Variants in EEFSEC observed in about 807,000 individuals in gnomAD.
EEFSEC encodes eukaryotic elongation factor, selenocysteine-tRNA specific.
Under a neutral mutation model 42.1 loss-of-function variants are expected in EEFSEC, and 43 were observed. The ratio of observed to expected loss-of-function variants is 1.02; its 90% CI spans 0.80 to 1.32. The LOEUF (loss-of-function observed/expected upper bound fraction) is 1.32, where lower values mean the gene tolerates loss of function less well. Among genes scored for constraint, EEFSEC ranks in the 40% most tolerant of loss-of-function variants. The pLI, the probability that EEFSEC is intolerant of heterozygous loss-of-function variation, is 0.00. For missense variants in EEFSEC, 745 were observed against 803.6 expected (o/e 0.93, Z 0.88); for synonymous variants, 354 against 339.1 (o/e 1.04, Z -0.48).
intron 1 of EEFSEC, among the ~76,000 whole-genome samples, chr3:128,230,021 TTTTTCTTTTC>T (rs549163254): frequency 6.6e-6 from 1 of 152,006 alleles, no homozygotes; most frequent in African/African-American, 2.4e-5. Flanking sequence ...TTTATCTCTC[TTTTTCTTTTC>T]TTTTCTTTTT....
At chr3:128,371,692 T>G (rs1347679120) in intron 6 of EEFSEC, among the ~76,000 whole-genome samples, 1 of 152,116 alleles carries the variant, frequency 6.6e-6, no homozygotes, top group Non-Finnish European at 1.5e-5. Flanking sequence ...GGGTGCAGAA[T>G]GAGGAGGGTG....
chr3:128,407,467 C>T (rs867872915), intron 6 of EEFSEC, among the ~76,000 whole-genome samples: 4 of 151,920 alleles, frequency 2.6e-5, no homozygotes, highest in South Asian at 4.2e-4. Flanking sequence ...GGAGCCCCAG[C>T]GGGTGGTGGT....
chr3:128,324,804 C>T (rs2067046455), intron 4 of EEFSEC, among the ~76,000 whole-genome samples: 1 of 152,028 alleles, frequency 6.6e-6, no homozygotes, highest in Admixed American at 6.5e-5. Flanking sequence ...CTGAATGTTT[C>T]CTTAAAGTTT....
intron 5 of EEFSEC, among the ~76,000 whole-genome samples, chr3:128,343,640 G>A (rs999730510): frequency 2.6e-5 from 4 of 152,202 alleles, no homozygotes; most frequent in Non-Finnish European, 5.9e-5. Flanking sequence ...AATTGGTGTG[G>A]CTCCTGGGTC....
chr3:128,208,933 A>G (rs545616347), intron 1 of EEFSEC, among the ~76,000 whole-genome samples: 6 of 152,242 alleles, frequency 3.9e-5, no homozygotes, highest in Non-Finnish European at 8.8e-5. Flanking sequence ...TTATAGGAGC[A>G]TAGATGAGAG....
At chr3:128,275,998 G>A (rs1301897034) in intron 4 of EEFSEC, among the ~76,000 whole-genome samples, 2 of 152,176 alleles carry the variant, frequency 1.3e-5, no homozygotes, top group Non-Finnish European at 2.9e-5. Flanking sequence ...AGGCTCCTGG[G>A]TGCCGCTGCT....
At chr3:128,172,625 C>T (rs181092630) in intron 1 of EEFSEC, among the ~76,000 whole-genome samples, 2 of 152,220 alleles carry the variant, frequency 1.3e-5, no homozygotes, top group African/African-American at 4.8e-5. Flanking sequence ...CCAATGATCT[C>T]TCTGACCCCT....
intron 2 of EEFSEC, among the ~76,000 whole-genome samples, chr3:128,250,911 G>GA (rs1553747268): frequency 9.2e-6 from 1 of 108,596 alleles, no homozygotes; most frequent in Non-Finnish European, 1.8e-5. Context: ...GTTTTTTTTG[G>GA]TTTTTTTTTT....
intron 1 of EEFSEC, among the ~76,000 whole-genome samples, chr3:128,215,340 T>C (rs886909969): frequency 6.6e-6 from 1 of 152,142 alleles, no homozygotes; most frequent in African/African-American, 2.4e-5. Context: ...TTCAGAGGAC[T>C]TGGGTTAGGA....
intron 1 of EEFSEC, among the ~76,000 whole-genome samples, chr3:128,158,947 T>C (rs925069295): frequency 1.3e-5 from 2 of 152,250 alleles, no homozygotes; most frequent in African/African-American, 2.4e-5. Flanking sequence ...TTTTTGTATG[T>C]ACATTGTTGC....
intron 4 of EEFSEC, 75 bp downstream of exon 4, chr3:128,264,856 A>C: frequency 6.7e-7 from 1 of 1,503,348 alleles, no homozygotes; most frequent in Non-Finnish European, 8.9e-7. Context: ...TTGTCTGTTC[A>C]GCTGCTGAGC....
chr3:128,153,789 C>T lies in EEFSEC; in HGVS notation c.282C>T (p.Pro94=). 1.3e-6 allele frequency: 2 copies of T among 1,527,184 alleles called. No individual in the cohort carries two copies. Among genetic ancestry groups the T allele is most frequent in the Non-Finnish European group, 1.7e-6 (2 of 1,143,436 alleles). The allele number at this position is 1,527,184 out of a possible 1,614,324, so 94.6% of individuals were successfully genotyped here. The part of the protein sequence containing the change: ...PLLQVTLVDC[P]GHASLIRTII... ...TTCAGGTCACGCTGGTCGACTGCCC[C>T]GGGCACGCCTCCCTCATCCGGACCA... Residue 94 remains proline, a synonymous_variant, in exon 1 of 7, where the codon CCC becomes CCT. Transcript: ENST00000254730.
At chr3:128,168,157 A>G (rs1353903538) in intron 1 of EEFSEC, among the ~76,000 whole-genome samples, 1 of 152,172 alleles carries the variant, frequency 6.6e-6, no homozygotes, top group East Asian at 1.9e-4. Context: ...GGATGGGGAA[A>G]TGAGCGTAAT....
chr3:128,385,295 C>T (rs902944894), intron 6 of EEFSEC, among the ~76,000 whole-genome samples: 2 of 152,154 alleles, frequency 1.3e-5, no homozygotes, highest in Non-Finnish European at 2.9e-5. Context: ...GAGAGTAGCC[C>T]GACTGGGGGA....
intron 4 of EEFSEC, among the ~76,000 whole-genome samples, chr3:128,278,078 A>G (rs1236370307): frequency 3.3e-5 from 5 of 152,184 alleles, no homozygotes; most frequent in Non-Finnish European, 7.3e-5. Context: ...AGTTCTGTCT[A>G]TTCTTATGAC....
intron 6 of EEFSEC, among the ~76,000 whole-genome samples, chr3:128,396,618 C>T (rs532295238): frequency 6.6e-6 from 1 of 152,302 alleles, no homozygotes; most frequent in South Asian, 2.1e-4. Flanking sequence ...GCCTACTGGG[C>T]ATGAGGCTGT....
At chr3:128,241,995 A>G (rs984324394) in intron 1 of EEFSEC, among the ~76,000 whole-genome samples, 1 of 152,238 alleles carries the variant, frequency 6.6e-6, no homozygotes. Context: ...ACATTGTTCA[A>G]TGAATATTTA....
At chr3:128,154,799 T>G (rs1387543062) in intron 1 of EEFSEC, among the ~76,000 whole-genome samples, 1 of 152,200 alleles carries the variant, frequency 6.6e-6, no homozygotes, top group Non-Finnish European at 1.5e-5. Context: ...TTTATGCTGT[T>G]TCCAGTATTT....
At chr3:128,195,040 A>T (rs2107808588) in intron 1 of EEFSEC, among the ~76,000 whole-genome samples, 1 of 148,042 alleles carries the variant, frequency 6.8e-6, no homozygotes, top group South Asian at 2.2e-4. Context: ...TCCTCCTCCC[A>T]CCCCTCCCCT....
Sources: allele counts gnomAD v4.1 joint callset (sites outside exome capture counted in the v4.1 genomes callset), GRCh38; gene constraint gnomAD v4.1.1; transcripts MANE v1.5; gene names NCBI Gene and HGNC (gene_info 2026-07-23, HGNC 2026-07-21).